The following TNRC6B variants were observed in gnomAD, a reference collection of about 807,000 sequenced individuals.
TNRC6B encodes trinucleotide repeat-containing gene 6B protein.
A neutral mutation model predicts 203.6 loss-of-function variants in TNRC6B; 52 were observed. The ratio of observed to expected loss-of-function variants is 0.26; its 90% CI spans 0.20 to 0.32. TNRC6B has a LOEUF of 0.32. Among genes scored for constraint, TNRC6B ranks in the 10% least tolerant of loss-of-function variants. TNRC6B has a pLI of 1.00. For synonymous variants in TNRC6B, 838 were observed against 845.7 expected (o/e 0.99, Z 0.16); for missense variants, 1,923 against 2,286.2 (o/e 0.84, Z 3.24).
chr22:40,130,433 C>T (rs1290362142), intron 3 of TNRC6B, among the ~76,000 whole-genome samples: 4 of 152,114 alleles, frequency 2.6e-5, no homozygotes, highest in African/African-American at 7.2e-5. Flanking sequence ...TTTTGATTTC[C>T]TATTAAGAGG....
intron 1 of TNRC6B, among the ~76,000 whole-genome samples, chr22:40,190,120 C>G (rs1489153140): frequency 6.6e-6 from 1 of 152,156 alleles, no homozygotes; most frequent in African/African-American, 2.4e-5. Context: ...ATTAGCCTCA[C>G]TCATAGGAAT....
intron 3 of TNRC6B, among the ~76,000 whole-genome samples, chr22:40,129,917 G>A (rs1284072745): frequency 1.9e-4 from 29 of 152,168 alleles, no homozygotes. Context: ...TTCTATGATA[G>A]TTTCTAAAAA....
intron 21 of TNRC6B, among the ~76,000 whole-genome samples, chr22:40,319,593 T>G (rs2071308477): frequency 6.6e-6 from 1 of 151,932 alleles, no homozygotes; most frequent in Admixed American, 6.6e-5. Context: ...CCTGGCTAAT[T>G]TTTTTGTGTT....
rs962951695 is a variant in TNRC6B, at chr22:40,149,624, C to T, written c.46-6491C>T. ...GGCGGAGGTTGCAGTGAGCCGAGAT[C>T]GCGCCATTGCACTACAGCCTGGCAA... On this transcript the variant is annotated intron_variant, in intron 3 of 23. Transcript: ENST00000301923. 1.4e-4 allele frequency among the ~76,000 whole-genome samples: 21 copies of T among 145,688 alleles called. 1 individual carries two copies. Among genetic ancestry groups the T allele is most frequent in the East Asian group, 7.9e-4 (4 of 5,046 alleles).
At chr22:40,296,872 C>A (rs765771644) in intron 12 of TNRC6B, among the ~76,000 whole-genome samples, 1 of 152,262 alleles carries the variant, frequency 6.6e-6, no homozygotes, top group Admixed American at 6.5e-5. Context: ...AAGTGATCTC[C>A]GCCCGACTTG....
rs1415848022 is a variant in TNRC6B, at chr22:40,265,412, G to A, written c.1182G>A (p.Met394Ile). The change falls in exon 5 of 23, where the codon ATG becomes ATA. Residue 394 changes from methionine (M) to isoleucine (I), a missense_variant. Physicochemically the swap from Met to Ile is conservative, Grantham distance 10. This residue lies in a region of TNRC6B where 614 missense variants were observed against 587.7 expected (regional missense o/e 1.04). Transcript: ENST00000454349. Reference protein sequence around the residue: ...SSPNPMENKGMPFGMGLGNTS... With the variant: ...SSPNPMENKGIPFGMGLGNTS... ...CAAACCCCATGGAGAATAAGGGAAT[G>A]CCCTTTGGAATGGGCTTGGGGAACA... 5 of 1,614,050 alleles carry A rather than the reference G, an allele frequency of 3.1e-6. No individual in the cohort carries two copies. The South Asian group carries it at 4.4e-5, about 14-fold the overall frequency.
Position 40,265,709 on chromosome 22 carries a change from C to T in TNRC6B, c.1479C>T (p.Asp493=). The T allele has an allele frequency of 6.2e-7, 1 of 1,613,922 alleles. No individual in the cohort carries two copies. Among genetic ancestry groups the T allele is most frequent in the Non-Finnish European group, 8.5e-7 (1 of 1,179,878 alleles). ...SWNFGPQDSN[D]NKWGEGNKMT... is the part of the protein sequence containing the mutation. The stretch of plus-strand genomic sequence containing the variant: ...ACTTTGGCCCCCAGGACTCTAATGA[C>T]AACAAATGGGGTGAAGGGAACAAAA... Residue 493 remains aspartate, a synonymous_variant, in exon 5 of 23, where the codon GAC becomes GAT. Coordinates refer to ENST00000454349, the MANE Select transcript of TNRC6B (RefSeq NM_001162501.2).
At chr22:40,059,909 GC>G (rs2067834860) in intron 1 of TNRC6B, among the ~76,000 whole-genome samples, 2 of 139,420 alleles carry the variant, frequency 1.4e-5, no homozygotes, top group Non-Finnish European at 3.0e-5. Flanking sequence ...TGCAACCTCC[GC>G]CTCCCAGGTT....
chr22:40,309,191 C>G (rs1273335553), intron 16 of TNRC6B, among the ~76,000 whole-genome samples: 1 of 152,250 alleles, frequency 6.6e-6, no homozygotes, highest in Non-Finnish European at 1.5e-5. Context: ...GGCTTTTCCT[C>G]TCAGTTTCTC....
intron 15 of TNRC6B, among the ~76,000 whole-genome samples, chr22:40,305,462 C>A (rs1272132386): frequency 6.6e-6 from 1 of 152,140 alleles, no homozygotes; most frequent in Non-Finnish European, 1.5e-5. Context: ...TGTAAATAGC[C>A]GAAGGTCACT....
At position 40,219,412 on chromosome 22, in the gene TNRC6B, C is replaced by A. The variant is rs2069678119; in HGVS notation, c.6-26603C>A. Among the ~76,000 whole-genome samples, 5 of 151,722 alleles carry A rather than the reference C, an allele frequency of 3.3e-5. No homozygotes were observed. In the South Asian group the frequency reaches 1.1e-3, roughly 32 times the overall value. On this transcript the variant is annotated intron_variant, in intron 1 of 22. Transcript: ENST00000454349. ...TAGGCTTGGGAATGAAGACAGGAGGCCAGCAGGAGGGTGGACAGGAGGCCA... is the reference window on the plus strand; with the variant it reads ...TAGGCTTGGGAATGAAGACAGGAGGACAGCAGGAGGGTGGACAGGAGGCCA...
At chr22:40,136,047 TAGA>T (rs2068596399) in intron 3 of TNRC6B, among the ~76,000 whole-genome samples, 1 of 152,170 alleles carries the variant, frequency 6.6e-6, no homozygotes, top group African/African-American at 2.4e-5. Flanking sequence ...GTAGATCCCA[TAGA>T]AGGTCAAATG....
intron 1 of TNRC6B, among the ~76,000 whole-genome samples, chr22:40,061,957 C>T (rs2067857244): frequency 1.3e-5 from 2 of 151,912 alleles, no homozygotes; most frequent in Non-Finnish European, 2.9e-5. Context: ...GCCTGTAATC[C>T]AAGCTACATG....
chr22:40,266,304 C>A lies in TNRC6B; in HGVS notation c.2074C>A (p.Pro692Thr). ...ELSASTEWKD[P>T]KNTGGWNDYK... Reference sequence around the variant, plus strand: ...CTCAGCCTCTACAGAGTGGAAAGACCCCAAGAACACAGGAGGCTGGAATGA... The same window carrying A: ...CTCAGCCTCTACAGAGTGGAAAGACACCAAGAACACAGGAGGCTGGAATGA... The change falls in exon 5 of 23, where the codon CCC becomes ACC. Residue 692 changes from proline to threonine, a missense_variant. By Grantham distance (38) the Pro-to-Thr change is conservative (BLOSUM62 -1). Coordinates refer to ENST00000454349, the MANE Select transcript of TNRC6B (RefSeq NM_001162501.2). The A allele has an allele frequency of 6.3e-7, 1 of 1,594,664 alleles. No individual in the cohort carries two copies.
intron 1 of TNRC6B, among the ~76,000 whole-genome samples, chr22:40,059,503 C>CTGTTCAGCAA (rs2067829646): frequency 6.6e-6 from 1 of 152,110 alleles, no homozygotes; most frequent in East Asian, 1.9e-4. Context: ...AGAAGTGATA[C>CTGTTCAGCAA]GAGTGGGCAT....
intron 1 of TNRC6B, among the ~76,000 whole-genome samples, chr22:40,097,429 C>A (rs2068194271): frequency 6.6e-6 from 1 of 151,996 alleles, no homozygotes; most frequent in Non-Finnish European, 1.5e-5. Flanking sequence ...CTTCAGCCTC[C>A]CGAGTAACTA....
intron 1 of TNRC6B, among the ~76,000 whole-genome samples, chr22:40,178,619 G>A (rs1465355141): frequency 6.6e-6 from 1 of 152,052 alleles, no homozygotes; most frequent in Non-Finnish European, 1.5e-5. Flanking sequence ...TTTAAACTGG[G>A]CCCTCCTTCC....
intron 1 of TNRC6B, among the ~76,000 whole-genome samples, chr22:40,097,351 G>A (rs141897284): frequency 0.01 from 1,538 of 152,004 alleles, 20 homozygotes; most frequent in African/African-American, 0.036. Flanking sequence ...TGTTTCCCAG[G>A]CTGGAGTGCA....
chr22:40,281,068 G>C, intron 10 of TNRC6B, 51 bp from the exon 11 acceptor site: 1 of 1,429,392 alleles, frequency 7.0e-7, no homozygotes, highest in East Asian at 2.6e-5. Context: ...GCATTCTGTT[G>C]CTTCACTAAC....
Sources: gnomAD v4.1 joint callset for allele counts (sites outside exome capture counted in the v4.1 genomes callset) on GRCh38, gnomAD v4.1.1 for gene constraint, gnomAD v4.1.1 regional missense constraint, MANE v1.5 for transcripts, NCBI Gene and HGNC (gene_info 2026-07-23, HGNC 2026-07-21) for gene names.